The following VWA8 variants were observed in gnomAD, a reference collection of about 807,000 sequenced individuals.
VWA8 encodes von Willebrand factor A domain containing 8.
In VWA8, 221 loss-of-function variants were observed where a neutral mutation model predicts 241.5. The observed-to-expected ratio is 0.91, with a 90% CI of 0.82 to 1.02. The LOEUF is 1.02. Among genes scored for constraint, VWA8 ranks in the 50% least tolerant of loss-of-function variants. The probability of loss-of-function intolerance (pLI) is 0.00; values close to 1 mark genes in which losing one functional copy is unlikely to be tolerated. For missense variants in VWA8, 2,322 were observed against 2,328.7 expected (o/e 1.00, Z 0.06); for synonymous variants, 852 against 827.1 (o/e 1.03, Z -0.52).
At chr13:41,862,049 C>T (rs947739663) in intron 12 of VWA8, among the ~76,000 whole-genome samples, 2 of 152,154 alleles carry the variant, frequency 1.3e-5, no homozygotes, top group African/African-American at 4.8e-5. Context: ...TCAAACTAGA[C>T]TACAAAGCCA....
At chr13:41,758,372 AT>A (rs2045710010) in intron 21 of VWA8, among the ~76,000 whole-genome samples, 2 of 17,714 alleles carry the variant, frequency 1.1e-4, no homozygotes, top group Non-Finnish European at 3.1e-4. Flanking sequence ...ATACTAGCAT[AT>A]ATATATATAT....
chr13:41,959,335 A>G (rs1303773242), intron 1 of VWA8, among the ~76,000 whole-genome samples: 1 of 152,042 alleles, frequency 6.6e-6, no homozygotes, highest in Non-Finnish European at 1.5e-5. Flanking sequence ...TCCAACCCAA[A>G]TTGTTTAACT....
rs1489781902 is a variant in VWA8, at chr13:41,819,363, G to A, written c.1724C>T (p.Ser575Phe). Residue 575 changes from serine to phenylalanine, a missense_variant, in exon 15 of 45, where the codon TCC (serine) becomes TTC (phenylalanine). Physicochemically the swap from Ser to Phe is radical, Grantham distance 155. Transcript: ENST00000379310. ...TTCTGCCAAGGCAATGATTCTGAAGGAGGGATGGATAGGAAAAATGGATCT... is the reference window on the plus strand; with the variant it reads ...TTCTGCCAAGGCAATGATTCTGAAGAAGGGATGGATAGGAAAAATGGATCT... ...QKRSIFPIHP[S>F]FRIIALAEPP... 2 of 1,606,930 alleles carry A rather than the reference G, an allele frequency of 1.2e-6. No homozygotes were observed. Among genetic ancestry groups the A allele is most frequent in the Admixed American group, 1.7e-5 (1 of 58,050 alleles).
intron 43 of VWA8, among the ~76,000 whole-genome samples, chr13:41,572,921 G>A (rs896487220): frequency 2.2e-4 from 32 of 144,352 alleles, no homozygotes; most frequent in Non-Finnish European, 3.5e-4. Context: ...CGGCCTGGCC[G>A]GCATGGTGGA....
chr13:41,621,550 T>C (rs553468809), intron 37 of VWA8, among the ~76,000 whole-genome samples: 6 of 152,338 alleles, frequency 3.9e-5, no homozygotes, highest in East Asian at 3.9e-4. Flanking sequence ...TCTGGTACAC[T>C]ATTTAAAAAT....
In VWA8 at chr13:41,631,928, C is replaced by T. The variant is rs1011990165; in HGVS notation, c.4612-16844G>A. Among the ~76,000 whole-genome samples, 11 of 152,218 alleles carry T rather than the reference C, an allele frequency of 7.2e-5. No homozygotes were observed. In the South Asian group the frequency reaches 8.3e-4, roughly 12 times the overall value. On this transcript the variant is annotated intron_variant, in intron 37 of 44. Coordinates refer to ENST00000379310, the MANE Select transcript of VWA8 (RefSeq NM_015058.2). The stretch of plus-strand genomic sequence containing the variant: ...GTATTAACACTCACACAAGAACAAC[C>T]GCTAATTAGATTGAGAGACAGCATG...
At chr13:41,904,618 G>A (rs1875615881) in intron 4 of VWA8, among the ~76,000 whole-genome samples, 1 of 152,118 alleles carries the variant, frequency 6.6e-6, no homozygotes, top group African/African-American at 2.4e-5. Context: ...ATCAAAAGCT[G>A]TATGCTTAAA....
intron 9 of VWA8, among the ~76,000 whole-genome samples, chr13:41,876,600 T>C (rs1311329299): frequency 1.3e-5 from 2 of 152,110 alleles, no homozygotes; most frequent in African/African-American, 2.4e-5. Context: ...TGACTGACAG[T>C]CGCCCTTCAT....
intron 40 of VWA8, among the ~76,000 whole-genome samples, chr13:41,602,723 AC>A (rs1279938395): frequency 6.6e-6 from 1 of 152,132 alleles, no homozygotes; most frequent in Non-Finnish European, 1.5e-5. Context: ...TTCTTCACTA[AC>A]ATACTGGTAT....
intron 9 of VWA8, 33 bp downstream of exon 9, chr13:41,883,354 A>G (rs1874354894): frequency 1.4e-5 from 21 of 1,553,358 alleles, no homozygotes; most frequent in Non-Finnish European, 1.8e-5. Flanking sequence ...GAAAATGGGA[A>G]AAGAAAGGAA....
chr13:41,738,863 A>G (rs896001606), intron 21 of VWA8, among the ~76,000 whole-genome samples: 13 of 152,244 alleles, frequency 8.5e-5, no homozygotes, highest in African/African-American at 2.9e-4. Context: ...TGAGTATACA[A>G]AGATGCACAC....
At chr13:41,831,613 GTTT>G (rs71096547) in intron 13 of VWA8, among the ~76,000 whole-genome samples, 2 of 113,410 alleles carry the variant, frequency 1.8e-5, no homozygotes, top group African/African-American at 7.6e-5. Context: ...CCAGGCATGA[GTTT>G]TTTTTTTTTT....
At chr13:41,801,164 A>T (rs377696665) in intron 17 of VWA8, among the ~76,000 whole-genome samples, 1 of 144,466 alleles carries the variant, frequency 6.9e-6, no homozygotes, top group South Asian at 2.2e-4. Flanking sequence ...TTATTTTTTT[A>T]ATAAAGGAAA....
intron 12 of VWA8, among the ~76,000 whole-genome samples, chr13:41,833,813 C>T (rs1197181071): frequency 6.6e-6 from 1 of 151,932 alleles, no homozygotes; most frequent in Non-Finnish European, 1.5e-5. Flanking sequence ...TTAAAATGTT[C>T]GTTTACATAA....
intron 42 of VWA8, among the ~76,000 whole-genome samples, chr13:41,580,056 C>T (rs2044372965): frequency 6.6e-6 from 1 of 151,010 alleles, no homozygotes; most frequent in South Asian, 2.1e-4. Flanking sequence ...GGTCTTGCTA[C>T]ATTGCACATG....
intron 42 of VWA8, among the ~76,000 whole-genome samples, chr13:41,576,623 G>C (rs1381380176): frequency 6.6e-6 from 1 of 152,214 alleles, no homozygotes. Flanking sequence ...GTGGCTAGGG[G>C]TGAAGACCTA....
At chr13:41,668,096 A>G (rs1280910713) in intron 37 of VWA8, among the ~76,000 whole-genome samples, 1 of 152,248 alleles carries the variant, frequency 6.6e-6, no homozygotes, top group Non-Finnish European at 1.5e-5. Flanking sequence ...GAGTAGTGAT[A>G]AAACATTTAA....
intron 19 of VWA8, among the ~76,000 whole-genome samples, chr13:41,782,646 A>G (rs1282960162): frequency 6.6e-6 from 1 of 152,124 alleles, no homozygotes; most frequent in Non-Finnish European, 1.5e-5. Context: ...CATAAAAAAT[A>G]TAGTTTTGAC....
intron 37 of VWA8, among the ~76,000 whole-genome samples, chr13:41,619,686 T>C (rs774822056): frequency 5.4e-4 from 83 of 152,344 alleles, no homozygotes; most frequent in Non-Finnish European, 9.7e-4. Flanking sequence ...TGAAGGAGTG[T>C]TGAATTTTGT....
Sources: allele counts gnomAD v4.1 joint callset (sites outside exome capture counted in the v4.1 genomes callset), GRCh38; gene constraint gnomAD v4.1.1; transcripts MANE v1.5; gene names NCBI Gene and HGNC (gene_info 2026-07-23, HGNC 2026-07-21).